Variants in TMEM117 observed in about 807,000 individuals in gnomAD.
The protein encoded by TMEM117 is transmembrane protein 117.
TMEM117 carries 27 observed loss-of-function variants against 52.4 expected under a neutral mutation model. The ratio of observed to expected loss-of-function variants is 0.51; its 90% confidence interval spans 0.38 to 0.71. The LOEUF is 0.71. Ranked by LOEUF, TMEM117 falls within the 30% of genes least tolerant of loss-of-function variation. TMEM117 has a pLI of 0.00. For missense variants in TMEM117, 556 were observed against 630.5 expected (o/e 0.88, Z 1.26); for synonymous variants, 215 against 206.3 (o/e 1.04, Z -0.36).
At chr12:43,875,262 C>A (rs1039216422) in intron 2 of TMEM117, among the ~76,000 whole-genome samples, 2 of 150,244 alleles carry the variant, frequency 1.3e-5, no homozygotes, top group African/African-American at 4.9e-5. Flanking sequence ...AGAAAAGAGT[C>A]AGAATCGGGT....
At chr12:44,354,447 G>A (rs1215594574) in intron 6 of TMEM117, among the ~76,000 whole-genome samples, 1 of 151,998 alleles carries the variant, frequency 6.6e-6, no homozygotes, top group Admixed American at 6.6e-5. Context: ...AAATCCAGCA[G>A]CACATCAAAA....
the TMEM117 span, among the ~76,000 whole-genome samples, chr12:43,813,313 G>T: frequency 6.1e-5 from 8 of 131,668 alleles, no homozygotes; most frequent in South Asian, 1.7e-3. Context: ...GCACAATCTC[G>T]GCTCACTGTA....
At chr12:44,132,015 A>G (rs1370322988) in intron 3 of TMEM117, among the ~76,000 whole-genome samples, 3 of 152,000 alleles carry the variant, frequency 2.0e-5, no homozygotes, top group African/African-American at 4.8e-5. Context: ...TAATACCTGA[A>G]GTCTATCCAT....
At chr12:44,188,356 T>A (rs1949305813) in intron 4 of TMEM117, among the ~76,000 whole-genome samples, 1 of 152,130 alleles carries the variant, frequency 6.6e-6, no homozygotes, top group African/African-American at 2.4e-5. Context: ...TCTTGCTACA[T>A]CTTATTGCTT....
At chr12:44,012,554 AAAAG>A (rs1220909033) in intron 3 of TMEM117, among the ~76,000 whole-genome samples, 1 of 151,894 alleles carries the variant, frequency 6.6e-6, no homozygotes, top group Non-Finnish European at 1.5e-5. Context: ...TCTCAAAAAT[AAAAG>A]TTCCGATATT....
Position 44,045,710 on chromosome 12 carries a change from G to T in TMEM117, c.411-97815G>T, listed in dbSNP as rs1337160256. On this transcript the variant is annotated intron_variant, in intron 3 of 7. Coordinates refer to ENST00000266534, the MANE Select transcript of TMEM117 (RefSeq NM_032256.3). ...ATAGAAAAATTAGCCAAGCGTGGTG[G>T]CGGGCATCTGTAATCCCAGCCACTA... Among the ~76,000 whole-genome samples, 3 of 152,252 alleles carry T rather than the reference G, an allele frequency of 2.0e-5. No individual in the cohort carries two copies. In the East Asian group the frequency reaches 5.8e-4, roughly 29 times the overall value.
chr12:44,258,313 TATGTATA>T (rs1164414736), intron 5 of TMEM117, among the ~76,000 whole-genome samples: 1 of 152,160 alleles, frequency 6.6e-6, no homozygotes, highest in African/African-American at 2.4e-5. Context: ...AATTACTGTC[TATGTATA>T]ATGAGCAGCC....
intron 6 of TMEM117, among the ~76,000 whole-genome samples, chr12:44,326,925 T>C (rs939937715): frequency 6.6e-6 from 1 of 152,232 alleles, no homozygotes; most frequent in Admixed American, 6.5e-5. Flanking sequence ...CTGAGCCGTA[T>C]GTTAAGCTCT....
chr12:44,393,811 G>T (rs1952171097), downstream of TMEM117, among the ~76,000 whole-genome samples: 1 of 152,166 alleles, frequency 6.6e-6, no homozygotes, highest in African/African-American at 2.4e-5. Flanking sequence ...AACAGATAAG[G>T]TCAAATTAAA....
chr12:43,804,981 T>C, the TMEM117 span, among the ~76,000 whole-genome samples: 1 of 152,260 alleles, frequency 6.6e-6, no homozygotes, highest in Admixed American at 6.5e-5. Flanking sequence ...ATTCACTTTC[T>C]GTATTTTCCC....
intron 3 of TMEM117, among the ~76,000 whole-genome samples, chr12:43,988,725 A>G (rs1945888730): frequency 6.6e-6 from 1 of 152,080 alleles, no homozygotes; most frequent in South Asian, 2.1e-4. Context: ...GTATCCATGG[A>G]ACAAAATTAA....
intron 6 of TMEM117, among the ~76,000 whole-genome samples, chr12:44,372,291 C>T (rs544089102): frequency 6.6e-6 from 1 of 152,136 alleles, no homozygotes; most frequent in African/African-American, 2.4e-5. Flanking sequence ...CTCGTCATTC[C>T]CTTAATTCAA....
intron 3 of TMEM117, among the ~76,000 whole-genome samples, chr12:44,027,681 T>C (rs1002986454): frequency 2.6e-5 from 4 of 152,156 alleles, no homozygotes; most frequent in African/African-American, 9.7e-5. Flanking sequence ...GTTTAAATCA[T>C]ATTTCTTAAC....
At chr12:43,921,358 C>CA in intron 2 of TMEM117, among the ~76,000 whole-genome samples, 1 of 152,114 alleles carries the variant, frequency 6.6e-6, no homozygotes, top group African/African-American at 2.4e-5. Context: ...GTTTCCTTTA[C>CA]ATTTTTTTAG....
intron 3 of TMEM117, among the ~76,000 whole-genome samples, chr12:44,050,892 C>T (rs967420041): frequency 6.6e-6 from 1 of 152,160 alleles, no homozygotes; most frequent in Non-Finnish European, 1.5e-5. Context: ...GCAATATCGC[C>T]CATGTCCTAG....
At chr12:44,037,564 C>A (rs1946729221) in intron 3 of TMEM117, among the ~76,000 whole-genome samples, 1 of 152,176 alleles carries the variant, frequency 6.6e-6, no homozygotes, top group African/African-American at 2.4e-5. Flanking sequence ...CATCTTCAAA[C>A]CAGGGAGGGC....
intron 4 of TMEM117, among the ~76,000 whole-genome samples, chr12:44,200,835 G>A (rs1415180469): frequency 1.3e-5 from 2 of 152,164 alleles, no homozygotes; most frequent in African/African-American, 2.4e-5. Context: ...CACAATGCGG[G>A]TAGAGTGTGC....
chr12:44,259,131 A>G (rs1266807366), intron 5 of TMEM117, among the ~76,000 whole-genome samples: 3 of 152,132 alleles, frequency 2.0e-5, no homozygotes, highest in African/African-American at 4.8e-5. Flanking sequence ...GTTTCTTACT[A>G]AACTGCATAG....
chr12:44,316,297 T>G (rs75740214), intron 6 of TMEM117, among the ~76,000 whole-genome samples: 7,312 of 152,226 alleles, frequency 0.048, 363 homozygotes, highest in African/African-American at 0.12. Flanking sequence ...TTTTTATTGT[T>G]GGGGGTGTCT....
Sources: allele counts gnomAD v4.1 joint callset (sites outside exome capture counted in the v4.1 genomes callset), GRCh38; gene constraint gnomAD v4.1.1; transcripts MANE v1.5; gene names NCBI Gene and HGNC (gene_info 2026-07-23, HGNC 2026-07-21).